The following LUC7L3 variants were observed in gnomAD, a reference collection of about 807,000 sequenced individuals.
LUC7L3 encodes luc7-like protein 3.
In LUC7L3, 6 loss-of-function variants were observed where a neutral mutation model predicts 66.8. The observed-to-expected ratio is 0.09, with a 90% CI of 0.05 to 0.18. LUC7L3 has a LOEUF of 0.18. LUC7L3 is among the 10% of genes least tolerant of loss of function. The pLI, the probability that LUC7L3 is intolerant of heterozygous loss-of-function variation, is 1.00. For missense variants in LUC7L3, 341 were observed against 531.1 expected (o/e 0.64, Z 3.52); for synonymous variants, 160 against 174.7 (o/e 0.92, Z 0.66).
At chr17:50,741,993 T>G (rs1310038515) in intron 5 of LUC7L3, among the ~76,000 whole-genome samples, 7 of 152,180 alleles carry the variant, frequency 4.6e-5, no homozygotes, top group Non-Finnish European at 7.3e-5. Flanking sequence ...GGAGAATTGC[T>G]TAAGCCTACA....
At chr17:50,739,124 G>A (rs8065485) in intron 2 of LUC7L3, among the ~76,000 whole-genome samples, 76,994 of 151,856 alleles carry the variant, frequency 0.51, 19,840 homozygotes, top group African/African-American at 0.59. Context: ...TCCATAAACC[G>A]AGAAAGAGGA....
At chr17:50,734,461 C>T (rs1012858136) in intron 1 of LUC7L3, among the ~76,000 whole-genome samples, 2 of 152,148 alleles carry the variant, frequency 1.3e-5, no homozygotes, top group Admixed American at 1.3e-4. Flanking sequence ...GCCACTGTGC[C>T]CAGCCTTTAA....
At chr17:50,726,901 T>C (rs1327866259) in intron 1 of LUC7L3, among the ~76,000 whole-genome samples, 1 of 151,934 alleles carries the variant, frequency 6.6e-6, no homozygotes, top group Admixed American at 6.6e-5. Context: ...CCAGCCTGGC[T>C]AACATGGTGA....
chr17:50,732,560 C>CTT (rs11360311), intron 1 of LUC7L3, among the ~76,000 whole-genome samples: 6,163 of 133,192 alleles, frequency 0.046, 157 homozygotes, highest in Middle Eastern at 0.054. Flanking sequence ...TTTTTTCATT[C>CTT]TTTTTTTTTT....
chr17:50,720,643 T>A (rs1410648491), intron 1 of LUC7L3, among the ~76,000 whole-genome samples: 1 of 152,250 alleles, frequency 6.6e-6, no homozygotes. Flanking sequence ...TTACTTTAGG[T>A]CTTATCTGGA....
intron 1 of LUC7L3, among the ~76,000 whole-genome samples, chr17:50,726,952 T>G (rs1488041099): frequency 6.6e-6 from 1 of 151,894 alleles, no homozygotes; most frequent in African/African-American, 2.4e-5. Flanking sequence ...AGCCAGGCGT[T>G]GTGGCCGGTG....
chr17:50,752,585 C>T lies in LUC7L3; in HGVS notation c.*1924C>T, dbSNP rs1802392. 1 of 153,990 alleles carries T rather than the reference C, an allele frequency of 6.5e-6. No individual in the cohort carries two copies. Among genetic ancestry groups the T allele is most frequent in the African/African-American group, 2.4e-5 (1 of 41,448 alleles). The allele number at this position is 153,990 out of a possible 1,614,324, so 9.5% of individuals were successfully genotyped here. On this transcript the variant is annotated 3_prime_UTR_variant, in exon 10 of 10. Coordinates refer to ENST00000505658, the MANE Select transcript of LUC7L3 (RefSeq NM_016424.5). ...GTGGGATTTCATTTTTACAACTCTGCTCTACTTAGCCTTTGGATTTAGAAG... is the reference window on the plus strand; with the variant it reads ...GTGGGATTTCATTTTTACAACTCTGTTCTACTTAGCCTTTGGATTTAGAAG...
chr17:50,732,401 A>T (rs545225136), intron 1 of LUC7L3, among the ~76,000 whole-genome samples: 1 of 152,180 alleles, frequency 6.6e-6, no homozygotes, highest in African/African-American at 2.4e-5. Context: ...CTCCTTATTT[A>T]TTTGAGTCTT....
intron 2 of LUC7L3, among the ~76,000 whole-genome samples, chr17:50,739,546 T>G (rs1046609254): frequency 6.6e-6 from 1 of 152,034 alleles, no homozygotes; most frequent in Non-Finnish European, 1.5e-5. Context: ...CCTAGCTCCT[T>G]GGAAGGTTGA....
chr17:50,727,896 A>G (rs542141985), intron 1 of LUC7L3, among the ~76,000 whole-genome samples: 1 of 151,916 alleles, frequency 6.6e-6, no homozygotes, highest in East Asian at 1.9e-4. Context: ...CGAGGTCAGG[A>G]GATCGAGACC....
rs750004488 is a variant in LUC7L3, at chr17:50,744,818, GT to G, written c.693+12del. The G allele has an allele frequency of 1.4e-5, 22 of 1,607,224 alleles. No individual in the cohort carries two copies. Among genetic ancestry groups the G allele is most frequent in the Non-Finnish European group, 1.6e-5 (19 of 1,177,970 alleles). On this transcript the variant is annotated splice_donor_region_variant and intron_variant, in intron 7 of 9. Transcript: ENST00000505658. The stretch of plus-strand genomic sequence containing the variant: ...GCTACTGTAGAAGAATTAAAAGTAA[GT>G]TTTTTTGTTTGTTTTGAGGCAGATT...
In LUC7L3 at chr17:50,752,157, C is replaced by T. The variant is rs1971002607; in HGVS notation, c.*1496C>T. ...CTTTCTCATAAAAATTGGCCTTTTA[C>T]ATGTTGTCTAATTATCATTTTTCCC... On this transcript the variant is annotated 3_prime_UTR_variant, in exon 10 of 10. Transcript: ENST00000505658. 1 of 1,277,606 alleles carries T rather than the reference C, an allele frequency of 7.8e-7. No homozygotes were observed. Among genetic ancestry groups the T allele is most frequent in the African/African-American group, 1.5e-5 (1 of 65,166 alleles). 79.1% of individuals were successfully genotyped at this position (1,277,606 alleles called of 1,614,324 possible).
chr17:50,743,861 G>A (rs538193522), intron 6 of LUC7L3, 51 bp downstream of exon 6: 41 of 1,304,322 alleles, frequency 3.1e-5, no homozygotes, highest in African/African-American at 1.3e-4. Context: ...ACAGTTAGTA[G>A]GAACTCATTT....
chr17:50,740,239 T>C (rs1315148553), intron 2 of LUC7L3, 67 bp from the exon 3 acceptor site: 4 of 1,235,244 alleles, frequency 3.2e-6, no homozygotes, highest in African/African-American at 1.6e-5. Context: ...AAATAACTCT[T>C]TTTTTTTGGC....
At chr17:50,745,650 C>T (rs1970626330) in intron 7 of LUC7L3, 70 bp from the exon 8 acceptor site, 3 of 1,260,832 alleles carry the variant, frequency 2.4e-6, no homozygotes, top group Non-Finnish European at 2.2e-6. Context: ...GATAACTTCA[C>T]ATTAGTTGAC....
chr17:50,743,145 G>A (rs182949133), intron 5 of LUC7L3, among the ~76,000 whole-genome samples: 35 of 152,134 alleles, frequency 2.3e-4, no homozygotes, highest in Admixed American at 2.3e-3. Flanking sequence ...TGGGAGGATT[G>A]CTTGAGCCCA....
intron 9 of LUC7L3, 85 bp from the exon 10 acceptor site, chr17:50,750,416 T>C (rs866603724): frequency 7.9e-7 from 1 of 1,263,898 alleles, no homozygotes; most frequent in Non-Finnish European, 1.1e-6. Context: ...GTCTCTCATC[T>C]CTCAGTTGTT....
Position 50,743,740 on chromosome 17 carries a change from A to C in LUC7L3, c.461A>C (p.Glu154Ala), listed in dbSNP as rs367575476. Reference protein sequence around the residue: ...EELGSEGKVEEAQGMMKLVEQ... With the variant: ...EELGSEGKVEAAQGMMKLVEQ... ...TTAGGGTCTGAAGGAAAAGTAGAAG[A>C]AGCCCAGGGGATGATGAAATTAGTT... Residue 154 changes from glutamate to alanine, a missense_variant, in exon 6 of 10, where the codon GAA (glutamate) becomes GCA (alanine). This residue lies in a region of LUC7L3 where 86 missense variants were observed against 172.0 expected (regional missense o/e 0.50). Coordinates refer to ENST00000505658, the MANE Select transcript of LUC7L3 (RefSeq NM_016424.5). 1.5e-4 allele frequency: 247 copies of C among 1,613,766 alleles called. No homozygotes were observed. The highest frequency in any genetic ancestry group is 3.8e-4 in the South Asian group (35 of 91,040).
chr17:50,727,990 C>T (rs1268767151), intron 1 of LUC7L3, among the ~76,000 whole-genome samples: 5 of 150,314 alleles, frequency 3.3e-5, no homozygotes, highest in Middle Eastern at 3.5e-3. Context: ...TGGTGGCAGG[C>T]GCCTGTAGCC....
Sources: gnomAD v4.1 joint callset for allele counts (sites outside exome capture counted in the v4.1 genomes callset) on GRCh38, gnomAD v4.1.1 for gene constraint, gnomAD v4.1.1 regional missense constraint, MANE v1.5 for transcripts, NCBI Gene and HGNC (gene_info 2026-07-23, HGNC 2026-07-21) for gene names.